Variants in SORCS2 observed in about 807,000 individuals in gnomAD.
The protein encoded by SORCS2 is VPS10 domain-containing receptor SorCS2.
In SORCS2, 100 loss-of-function variants were observed where a neutral mutation model predicts 141.6. That is an observed-to-expected ratio of 0.71 (90% CI 0.60 to 0.83). The LOEUF is 0.83. Ranked by LOEUF, SORCS2 falls within the 40% of genes least tolerant of loss-of-function variation. SORCS2 has a pLI of 0.00. For synonymous variants in SORCS2, 789 were observed against 676.9 expected (o/e 1.17, Z -2.57); for missense variants, 1,646 against 1,560.2 (o/e 1.05, Z -0.93).
chr4:7,323,186 A>C (rs1014846299), intron 1 of SORCS2, among the ~76,000 whole-genome samples: 5 of 152,252 alleles, frequency 3.3e-5, no homozygotes, highest in Admixed American at 6.5e-5. Flanking sequence ...TAAGATAACA[A>C]ATAGTTGAGG....
At chr4:7,401,738 C>T (rs1724606723) in intron 2 of SORCS2, among the ~76,000 whole-genome samples, 1 of 152,160 alleles carries the variant, frequency 6.6e-6, no homozygotes, top group South Asian at 2.1e-4. Context: ...TGGGCCAACC[C>T]TACCACTTCC....
intron 3 of SORCS2, among the ~76,000 whole-genome samples, chr4:7,574,705 A>T (rs1715632629): frequency 6.6e-6 from 1 of 152,024 alleles, no homozygotes; most frequent in Non-Finnish European, 1.5e-5. Context: ...AATCATAAGG[A>T]AGTCACCAGG....
At chr4:7,530,063 C>A (rs1480292366) in intron 2 of SORCS2, among the ~76,000 whole-genome samples, 2 of 152,164 alleles carry the variant, frequency 1.3e-5, no homozygotes, top group African/African-American at 2.4e-5. Flanking sequence ...GGCCAGCATG[C>A]CCAGAGATGA....
chr4:7,319,808 C>T (rs929022373), intron 1 of SORCS2, among the ~76,000 whole-genome samples: 4 of 152,240 alleles, frequency 2.6e-5, no homozygotes, highest in South Asian at 2.1e-4. Flanking sequence ...TTCTGTGTTA[C>T]ACATGTTAGC....
Position 7,661,538 on chromosome 4 carries a change from A to T in SORCS2, c.926A>T (p.His309Leu). The change falls in exon 6 of 27, where the codon CAC becomes CTC. Residue 309 changes from histidine (H) to leucine (L), a missense_variant. Physicochemically the swap from His to Leu is moderately conservative, Grantham distance 99. Coordinates refer to ENST00000507866, the MANE Select transcript of SORCS2 (RefSeq NM_020777.3). ...SGVDADPDLV[H>L]VEAQDLGGDF... ...GTGGACGCTGACCCTGACTTGGTCC[A>T]CGTGGAAGCCCAAGACCTCGGTGGA... is the stretch of plus-strand genomic sequence containing the variant. The T allele has an allele frequency of 6.4e-7, 1 of 1,551,876 alleles. No homozygotes were observed. Among genetic ancestry groups the T allele is most frequent in the Non-Finnish European group, 8.7e-7 (1 of 1,147,142 alleles).
chr4:7,347,598 T>A (rs1200134197), intron 1 of SORCS2, among the ~76,000 whole-genome samples: 1 of 152,190 alleles, frequency 6.6e-6, no homozygotes, highest in Admixed American at 6.5e-5. Context: ...AAAACTCACC[T>A]GAGTGGTTCC....
At chr4:7,371,079 C>T (rs13126941) in intron 1 of SORCS2, among the ~76,000 whole-genome samples, 49,270 of 152,068 alleles carry the variant, frequency 0.32, 9,301 homozygotes, top group Middle Eastern at 0.46. Context: ...AGTGCCACAT[C>T]GGGAGCAGGT....
At chr4:7,737,338 A>G in intron 26 of SORCS2, 166 bp downstream of exon 26, 1 of 880,330 alleles carries the variant, frequency 1.1e-6, no homozygotes. Context: ...TGTCCCCTCC[A>G]TCTGATGAGG....
At chr4:7,654,298 C>T (rs1721618757) in intron 5 of SORCS2, 91 bp downstream of exon 5, 3 of 1,334,208 alleles carry the variant, frequency 2.2e-6, no homozygotes, top group Non-Finnish European at 3.1e-6. Context: ...CCCTGCAGCT[C>T]CCTTTCCTCC....
At chr4:7,305,162 G>A (rs1462946160) in intron 1 of SORCS2, among the ~76,000 whole-genome samples, 1 of 152,010 alleles carries the variant, frequency 6.6e-6, no homozygotes, top group East Asian at 1.9e-4. Context: ...CTCCCGAGTA[G>A]CTGGGACTGC....
intron 3 of SORCS2, among the ~76,000 whole-genome samples, chr4:7,605,321 G>A (rs1444850247): frequency 6.6e-6 from 1 of 152,164 alleles, no homozygotes; most frequent in Admixed American, 6.5e-5. Flanking sequence ...CATATTGAGT[G>A]TATGTTCACC....
intron 2 of SORCS2, among the ~76,000 whole-genome samples, chr4:7,468,583 G>A (rs1435434296): frequency 1.1e-4 from 16 of 152,238 alleles, no homozygotes; most frequent in African/African-American, 2.9e-4. Context: ...ATGCATCAAC[G>A]CGTAGAGTGA....
intron 2 of SORCS2, among the ~76,000 whole-genome samples, chr4:7,425,904 CT>C (rs1560274228): frequency 1.3e-5 from 2 of 152,184 alleles, no homozygotes; most frequent in Admixed American, 6.5e-5. Context: ...GCTCTCTGAG[CT>C]TGTGCCCCAA....
chr4:7,325,895 C>T (rs962092022), intron 1 of SORCS2, among the ~76,000 whole-genome samples: 50 of 151,926 alleles, frequency 3.3e-4, no homozygotes, highest in Non-Finnish European at 2.6e-4. Context: ...CACTGGCGGG[C>T]GGGGCGGAGT....
chr4:7,403,631 C>T (rs1011160580), intron 2 of SORCS2, among the ~76,000 whole-genome samples: 9 of 151,982 alleles, frequency 5.9e-5, no homozygotes, highest in South Asian at 4.2e-4. Context: ...GATTTCTTTA[C>T]GGTAGGATTT....
chr4:7,304,121 G>A (rs1485630782), intron 1 of SORCS2, among the ~76,000 whole-genome samples: 2 of 152,260 alleles, frequency 1.3e-5, no homozygotes, highest in African/African-American at 4.8e-5. Flanking sequence ...CCAGGCATGT[G>A]TGGTCCCCAC....
At chr4:7,514,504 C>T (rs1732855427) in intron 2 of SORCS2, among the ~76,000 whole-genome samples, 1 of 151,862 alleles carries the variant, frequency 6.6e-6, no homozygotes, top group Non-Finnish European at 1.5e-5. Context: ...AGAGGCCAAG[C>T]AGAATCCCTG....
intron 19 of SORCS2, among the ~76,000 whole-genome samples, chr4:7,724,142 ATGGTCGTGGTGGTGGTGGTGATGGTGG>A (rs1278912634): frequency 3.2e-3 from 323 of 99,392 alleles, no homozygotes; most frequent in African/African-American, 0.011. Flanking sequence ...GGTGGTGGTG[ATGGTCGTGGTGGTGGTGGTGATGGTGG>A]TGATGGTGAT....
intron 3 of SORCS2, among the ~76,000 whole-genome samples, chr4:7,566,566 C>G: frequency 6.6e-6 from 1 of 152,264 alleles, no homozygotes; most frequent in East Asian, 1.9e-4. Context: ...GCTGCAGTGA[C>G]AAGCAAAACC....
Sources: gnomAD v4.1 joint callset for allele counts (sites outside exome capture counted in the v4.1 genomes callset) on GRCh38, gnomAD v4.1.1 for gene constraint, MANE v1.5 for transcripts, NCBI Gene and HGNC (gene_info 2026-07-23, HGNC 2026-07-21) for gene names.